Variants in DPP10 observed in about 807,000 individuals in gnomAD.
DPP10 encodes dipeptidyl peptidase like 10.
DPP10 carries 33 observed loss-of-function variants against 120.9 expected under a neutral mutation model. That is an observed-to-expected ratio of 0.27 (90% CI 0.21 to 0.37). The LOEUF (loss-of-function observed/expected upper bound fraction) is 0.37. DPP10 is among the 10% of genes least tolerant of loss of function. The pLI, the probability that DPP10 is intolerant of heterozygous loss-of-function variation, is 1.00. For missense variants in DPP10, 816 were observed against 942.8 expected (o/e 0.87, Z 1.76); for synonymous variants, 337 against 326.1 (o/e 1.03, Z -0.36).
chr2:115,262,471 T>C (rs2059294773), intron 1 of DPP10, among the ~76,000 whole-genome samples: 1 of 152,112 alleles, frequency 6.6e-6, no homozygotes, highest in African/African-American at 2.4e-5. Flanking sequence ...TGAATACAGG[T>C]AAATATTTAT....
chr2:115,746,407 G>T (rs1324189009), intron 10 of DPP10, among the ~76,000 whole-genome samples: 1 of 152,140 alleles, frequency 6.6e-6, no homozygotes, highest in Non-Finnish European at 1.5e-5. Context: ...GACTGAAGAG[G>T]CTGATACTGA....
chr2:114,866,420 C>T (rs953807156), intron 1 of DPP10, among the ~76,000 whole-genome samples: 4 of 151,920 alleles, frequency 2.6e-5, no homozygotes, highest in Non-Finnish European at 5.9e-5. Flanking sequence ...TATAGTGAAA[C>T]ATAAGAAAAG....
chr2:114,493,829 A>G (rs1336968091), intron 1 of DPP10, among the ~76,000 whole-genome samples: 1 of 152,158 alleles, frequency 6.6e-6, no homozygotes, highest in Non-Finnish European at 1.5e-5. Flanking sequence ...ACAGGCCATG[A>G]ACGATGGTAA....
chr2:115,677,817 A>G (rs1227750141), intron 5 of DPP10, among the ~76,000 whole-genome samples: 1 of 152,208 alleles, frequency 6.6e-6, no homozygotes, highest in African/African-American at 2.4e-5. Context: ...CACTACAGTA[A>G]AAGCTGGGGA....
At chr2:114,495,387 T>C (rs1386730614) in intron 1 of DPP10, among the ~76,000 whole-genome samples, 1 of 152,188 alleles carries the variant, frequency 6.6e-6, no homozygotes, top group African/African-American at 2.4e-5. Context: ...TTTTATACTA[T>C]AAGTGATCAC....
chr2:114,958,895 A>T (rs1037030335), intron 1 of DPP10, among the ~76,000 whole-genome samples: 40 of 152,300 alleles, frequency 2.6e-4, no homozygotes, highest in African/African-American at 8.9e-4. Context: ...CCAGGGTTAA[A>T]AAAAGGGGGT....
chr2:115,832,563 T>A (rs1207600913), intron 21 of DPP10, among the ~76,000 whole-genome samples: 1 of 152,246 alleles, frequency 6.6e-6, no homozygotes, highest in Non-Finnish European at 1.5e-5. Flanking sequence ...CATTTGTGGT[T>A]CAATTTTAAA....
At chr2:115,577,598 G>A (rs2081755837) in intron 5 of DPP10, among the ~76,000 whole-genome samples, 1 of 152,120 alleles carries the variant, frequency 6.6e-6, no homozygotes. Flanking sequence ...CGATTGGGTG[G>A]CTTAAACAGC....
chr2:115,727,700 C>A, intron 7 of DPP10, 116 bp from the exon 8 acceptor site: 2 of 1,171,988 alleles, frequency 1.7e-6, no homozygotes, highest in Non-Finnish European at 2.2e-6. Context: ...ATAAAAACAA[C>A]TTGAAGCCCG....
intron 1 of DPP10, among the ~76,000 whole-genome samples, chr2:114,751,824 C>A (rs1054897973): frequency 2.0e-5 from 3 of 152,104 alleles, no homozygotes; most frequent in African/African-American, 7.2e-5. Context: ...CTTCTCCTGC[C>A]CCGTGATTTG....
chr2:115,543,310 G>A (rs531474299), intron 5 of DPP10, among the ~76,000 whole-genome samples: 17 of 152,050 alleles, frequency 1.1e-4, no homozygotes, highest in African/African-American at 3.6e-4. Flanking sequence ...GAATAAAAAG[G>A]GTATAAGTCA....
At chr2:114,468,880 T>C (rs1259015057) in intron 1 of DPP10, among the ~76,000 whole-genome samples, 1 of 152,172 alleles carries the variant, frequency 6.6e-6, no homozygotes, top group Non-Finnish European at 1.5e-5. Context: ...ATTTCTAGAT[T>C]TTTAACATAA....
At chr2:115,760,953 C>G (rs963607021) in intron 11 of DPP10, among the ~76,000 whole-genome samples, 1 of 151,726 alleles carries the variant, frequency 6.6e-6, no homozygotes, top group Non-Finnish European at 1.5e-5. Context: ...AAAAATTAGC[C>G]GGGCATGGTG....
chr2:115,090,531 T>A (rs1709157278), intron 1 of DPP10, among the ~76,000 whole-genome samples: 1 of 152,134 alleles, frequency 6.6e-6, no homozygotes. Context: ...TCAAATACAC[T>A]CTCACAAGTC....
At chr2:114,982,120 T>C (rs898912908) in intron 1 of DPP10, among the ~76,000 whole-genome samples, 2 of 152,058 alleles carry the variant, frequency 1.3e-5, no homozygotes, top group Admixed American at 6.6e-5. Context: ...GGTCTCGAAC[T>C]CCTGACCTCA....
intron 1 of DPP10, among the ~76,000 whole-genome samples, chr2:114,456,505 C>T (rs999602485): frequency 1.3e-5 from 2 of 152,262 alleles, no homozygotes; most frequent in East Asian, 3.9e-4. Flanking sequence ...ATTTGCAAAA[C>T]ATTTTAGATT....
At chr2:115,022,736 C>A (rs1001071447) in intron 1 of DPP10, among the ~76,000 whole-genome samples, 5 of 152,120 alleles carry the variant, frequency 3.3e-5, no homozygotes, top group Non-Finnish European at 5.9e-5. Context: ...GATCACATTA[C>A]CTGACTTCAA....
chr2:115,222,704 A>G (rs976473628), intron 1 of DPP10, among the ~76,000 whole-genome samples: 1 of 152,164 alleles, frequency 6.6e-6, no homozygotes, highest in African/African-American at 2.4e-5. Context: ...AAAGCATTTT[A>G]GTGCATCTTC....
At chr2:114,748,155 G>T (rs1269685788) in intron 1 of DPP10, among the ~76,000 whole-genome samples, 1 of 151,644 alleles carries the variant, frequency 6.6e-6, no homozygotes, top group Non-Finnish European at 1.5e-5. Context: ...TGAAAAACTG[G>T]AAGTAAAACA....
Sources: gnomAD v4.1 joint callset for allele counts (sites outside exome capture counted in the v4.1 genomes callset) on GRCh38, gnomAD v4.1.1 for gene constraint, MANE v1.5 for transcripts, NCBI Gene and HGNC (gene_info 2026-07-23, HGNC 2026-07-21) for gene names.